The following CNTLN variants were observed in gnomAD, a reference collection of about 807,000 sequenced individuals.
CNTLN encodes the protein centlein, also known as centlein, centrosomal protein.
In CNTLN, 212 loss-of-function variants were observed where a neutral mutation model predicts 180.0. The observed-to-expected ratio is 1.18, with a 90% CI of 1.05 to 1.32. The LOEUF (loss-of-function observed/expected upper bound fraction) is 1.32, where lower values mean the gene tolerates loss of function less well. Among genes scored for constraint, CNTLN ranks in the 40% most tolerant of loss-of-function variants. The pLI is 0.00. For missense variants in CNTLN, 2,095 were observed against 1,610.9 expected (o/e 1.30, Z -5.14); for synonymous variants, 722 against 563.1 (o/e 1.28, Z -3.99).
chr9:17,370,810 T>G (rs1824256534), intron 13 of CNTLN, among the ~76,000 whole-genome samples: 1 of 152,142 alleles, frequency 6.6e-6, no homozygotes, highest in Non-Finnish European at 1.5e-5. Flanking sequence ...CAAAGTTAAA[T>G]AATTTTTATC....
intron 1 of CNTLN, among the ~76,000 whole-genome samples, chr9:17,140,586 G>A (rs1481064644): frequency 6.6e-6 from 1 of 152,068 alleles, no homozygotes; most frequent in Non-Finnish European, 1.5e-5. Context: ...AACTACAGGC[G>A]TATTCCACTA....
rs771291988 is a variant in CNTLN, at chr9:17,236,458, TA to T, written c.725del (p.Asn242IlefsTer9). On this transcript the variant is annotated frameshift_variant, in exon 5 of 26. Coordinates refer to ENST00000380647, the MANE Select transcript of CNTLN (RefSeq NM_017738.4). LOFTEE classifies it high-confidence loss of function. ...AAAGAAGAGCAAAACAGACTAGTTATAAAAAATCTGGAGGAGGAAAACAAGA... is the reference window on the plus strand; with the variant it reads ...AAAGAAGAGCAAAACAGACTAGTTATAAAAATCTGGAGGAGGAAAACAAGA... ...QNKEEQNRLV[I>X]KNLEEENKKL... 3.1e-6 allele frequency: 5 copies of T among 1,613,488 alleles called. No homozygotes were observed. The Admixed American group carries it at 5.0e-5, about 16-fold the overall frequency.
At chr9:17,473,134 C>T (rs1409110903) in intron 23 of CNTLN, among the ~76,000 whole-genome samples, 1 of 152,170 alleles carries the variant, frequency 6.6e-6, no homozygotes, top group African/African-American at 2.4e-5. Flanking sequence ...CATAACCATG[C>T]TGATTCATCT....
At chr9:17,512,189 C>T in the CNTLN span, among the ~76,000 whole-genome samples, 632 of 152,228 alleles carry the variant, frequency 4.2e-3, 4 homozygotes, top group African/African-American at 0.015. Context: ...ACTGTGGAAA[C>T]AATGTTGAAA....
At chr9:17,450,583 C>A (rs1012067777) in intron 18 of CNTLN, among the ~76,000 whole-genome samples, 1 of 152,154 alleles carries the variant, frequency 6.6e-6, no homozygotes, top group African/African-American at 2.4e-5. Context: ...GATTAATCTA[C>A]CATTGGCCAA....
intron 5 of CNTLN, among the ~76,000 whole-genome samples, chr9:17,267,138 G>A (rs7018645): frequency 0.2 from 29,659 of 151,742 alleles, 3,503 homozygotes; most frequent in African/African-American, 0.33. Flanking sequence ...TATCCTTGAT[G>A]GTCTTTACAT....
At chr9:17,505,727 C>T (rs760996820), downstream of CNTLN, among the ~76,000 whole-genome samples, 12 of 152,036 alleles carry the variant, frequency 7.9e-5, no homozygotes, top group Non-Finnish European at 1.3e-4. Context: ...AGAGATTTAA[C>T]ACAATTCCTA....
At chr9:17,260,825 T>C (rs1826911046) in intron 5 of CNTLN, among the ~76,000 whole-genome samples, 1 of 151,280 alleles carries the variant, frequency 6.6e-6, no homozygotes, top group Non-Finnish European at 1.5e-5. Context: ...TTTGTTTTCA[T>C]ATTTAAGTCT....
chr9:17,485,287 T>C (rs1251026654), intron 24 of CNTLN, among the ~76,000 whole-genome samples: 1 of 152,154 alleles, frequency 6.6e-6, no homozygotes, highest in African/African-American at 2.4e-5. Context: ...GATCATCCTC[T>C]GGCCCCCTCT....
chr9:17,296,394 G>A (rs1362023506), intron 6 of CNTLN, among the ~76,000 whole-genome samples: 4 of 151,916 alleles, frequency 2.6e-5, no homozygotes, highest in Admixed American at 2.6e-4. Context: ...TACGGATTCG[G>A]GCCTTCTCAT....
intron 13 of CNTLN, among the ~76,000 whole-genome samples, chr9:17,371,517 A>G (rs928112073): frequency 6.6e-6 from 1 of 152,180 alleles, no homozygotes; most frequent in African/African-American, 2.4e-5. Context: ...ATTCAATGAT[A>G]GCTGCAGGCT....
rs925249786 is a variant in CNTLN, at chr9:17,484,292, C to A, written c.3856-3C>A. On this transcript the variant is annotated splice_region_variant and splice_polypyrimidine_tract_variant and intron_variant, in intron 23 of 25. Transcript: ENST00000380647. ...AGCTCAATTTCTTTCCAATATGTTA[C>A]AGGCTTTGGCCAAAGAGTTGCAAAA... 2.1e-5 allele frequency: 34 copies of A among 1,585,760 alleles called. No individual in the cohort carries two copies. The highest frequency in any genetic ancestry group is 2.8e-5 in the Non-Finnish European group (33 of 1,171,942).
chr9:17,159,801 A>ATACT (rs1819552010), intron 2 of CNTLN, among the ~76,000 whole-genome samples: 1 of 152,184 alleles, frequency 6.6e-6, no homozygotes, highest in Non-Finnish European at 1.5e-5. Flanking sequence ...ATTGCCTTTC[A>ATACT]TACTGATTGA....
chr9:17,486,231 A>T (rs1174609968), intron 24 of CNTLN, among the ~76,000 whole-genome samples: 1 of 152,166 alleles, frequency 6.6e-6, no homozygotes, highest in Non-Finnish European at 1.5e-5. Flanking sequence ...AACTGTAGTA[A>T]ATTCACATCA....
chr9:17,202,646 G>GTTTTTTTTTTTTTTTTTT (rs57960408), intron 2 of CNTLN, among the ~76,000 whole-genome samples: 25 of 71,468 alleles, frequency 3.5e-4, no homozygotes, highest in Non-Finnish European at 5.7e-4. Context: ...TGCAACCTCT[G>GTTTTTTTTTTTTTTTTTT]TTTTTTTTTT....
At chr9:17,294,389 G>T (rs183395369) in intron 6 of CNTLN, among the ~76,000 whole-genome samples, 1 of 150,054 alleles carries the variant, frequency 6.7e-6, no homozygotes, top group Non-Finnish European at 1.5e-5. Flanking sequence ...TGATTGGTGC[G>T]TTTACAATCC....
At chr9:17,333,269 C>G (rs1820764539) in intron 10 of CNTLN, among the ~76,000 whole-genome samples, 1 of 152,042 alleles carries the variant, frequency 6.6e-6, no homozygotes, top group African/African-American at 2.4e-5. Flanking sequence ...ATCGACCAGT[C>G]TTTGAGAGCT....
intron 2 of CNTLN, among the ~76,000 whole-genome samples, chr9:17,209,929 T>C (rs7862811): frequency 0.29 from 44,563 of 152,002 alleles, 7,707 homozygotes; most frequent in East Asian, 0.6. Flanking sequence ...TATTTTTCCA[T>C]CTTTATGGAT....
intron 2 of CNTLN, among the ~76,000 whole-genome samples, chr9:17,210,276 A>G (rs2131956241): frequency 6.6e-6 from 1 of 152,110 alleles, no homozygotes; most frequent in Non-Finnish European, 1.5e-5. Flanking sequence ...AAATGTTCTC[A>G]TTGTTCAATT....
Sources: gnomAD v4.1 joint callset for allele counts (sites outside exome capture counted in the v4.1 genomes callset) on GRCh38, gnomAD v4.1.1 for gene constraint, MANE v1.5 for transcripts, NCBI Gene and HGNC (gene_info 2026-07-23, HGNC 2026-07-21) for gene names.